Variants in WLS observed in about 807,000 individuals in gnomAD.
WLS encodes the protein Wnt ligand secretion mediator, also known as protein wntless homolog.
Under a neutral mutation model 62.8 loss-of-function variants are expected in WLS, and 23 were observed. That is an observed-to-expected ratio of 0.37 (90% confidence interval 0.26 to 0.52). The LOEUF is 0.52. Among genes scored for constraint, WLS ranks in the 20% least tolerant of loss-of-function variants. The pLI is 0.92. For missense variants in WLS, 615 were observed against 697.3 expected, an observed-to-expected ratio of 0.88 and a Z score of 1.33; for synonymous variants, 246 against 244.1, an observed-to-expected ratio of 1.01 and a Z score of -0.07.
At chr1:68,188,417 G>A (rs950893519) in intron 2 of WLS, among the ~76,000 whole-genome samples, 3 of 152,210 alleles carry the variant, frequency 2.0e-5, no homozygotes, top group African/African-American at 7.2e-5. Flanking sequence ...TTTCATAAAT[G>A]TAAATATACT....
chr1:68,217,033 A>G (rs1649758299), intron 1 of WLS, among the ~76,000 whole-genome samples: 1 of 152,206 alleles, frequency 6.6e-6, no homozygotes, highest in East Asian at 1.9e-4. Flanking sequence ...GGATGGAGCA[A>G]TAAGAAGTAC....
intron 10 of WLS, among the ~76,000 whole-genome samples, chr1:68,142,206 G>A (rs987396229): frequency 4.6e-5 from 7 of 152,192 alleles, no homozygotes; most frequent in South Asian, 2.1e-4. Flanking sequence ...GGCATTCCCC[G>A]CAGAGGCAAG....
chr1:68,223,531 A>G (rs1650023761), intron 1 of WLS, among the ~76,000 whole-genome samples: 1 of 152,226 alleles, frequency 6.6e-6, no homozygotes, highest in Non-Finnish European at 1.5e-5. Flanking sequence ...ATCTAAGAAC[A>G]GAGAGGGACA....
Position 68,126,888 on chromosome 1 carries a change from A to G in WLS, c.1517-553T>C, listed in dbSNP as rs553922989. ...TCAGTCAGGCACCAACACATTTGCT[A>G]TGAATAATTTACAAAATAGGAGCCA... On this transcript the variant is annotated intron_variant, in intron 11 of 11. Coordinates refer to ENST00000262348, the MANE Select transcript of WLS (RefSeq NM_024911.7). Among the ~76,000 whole-genome samples, 11 of 152,262 alleles carry G rather than the reference A, an allele frequency of 7.2e-5. No individual in the cohort carries two copies. In the South Asian group the frequency reaches 2.3e-3, roughly 32 times the overall value.
chr1:68,118,125 A>T (rs1039020452), intron 11 of WLS, among the ~76,000 whole-genome samples: 10 of 152,204 alleles, frequency 6.6e-5, no homozygotes, highest in African/African-American at 2.4e-4. Context: ...CCTGGTAAAC[A>T]TCCAAATCAA....
intron 1 of WLS, among the ~76,000 whole-genome samples, chr1:68,229,456 T>TTTTTTTTTTTTTTTTTTTTTTTTTTTTG: frequency 6.6e-6 from 1 of 152,298 alleles, no homozygotes. Flanking sequence ...ACTGACTTTT[T>TTTTTTTTTTTTTTTTTTTTTTTTTTTTG]AAGTGGCAAT....
chr1:68,107,744 C>T (rs1646167153), intron 11 of WLS, among the ~76,000 whole-genome samples: 1 of 152,116 alleles, frequency 6.6e-6, no homozygotes, highest in South Asian at 2.1e-4. Flanking sequence ...AAGGCAGGGG[C>T]TATTTTTTTA....
chr1:68,214,209 A>ACACACACC (rs1221048820), intron 1 of WLS, among the ~76,000 whole-genome samples: 4 of 150,550 alleles, frequency 2.7e-5, no homozygotes, highest in South Asian at 2.1e-4. Flanking sequence ...ACACACACAC[A>ACACACACC]CCCCATTTCC....
Position 68,148,653 on chromosome 1 carries a change from T to C in WLS, c.980A>G (p.His327Arg). 1 of 1,613,748 alleles carries C rather than the reference T, an allele frequency of 6.2e-7. No homozygotes were observed. Among genetic ancestry groups the C allele is most frequent in the Non-Finnish European group, 8.5e-7 (1 of 1,179,880 alleles). ...ATACCCTGCGATGTGGTTCCGCTCGTGCTGATCCTGAGGAAAACCAAATTG... is the reference window on the plus strand; with the variant it reads ...ATACCCTGCGATGTGGTTCCGCTCGCGCTGATCCTGAGGAAAACCAAATTG... The part of the protein sequence containing the change: ...IFCGEHMMDQ[H>R]ERNHIAGYWK... Residue 327 changes from histidine to arginine, a missense_variant, in exon 7 of 12, where the codon CAC becomes CGC. Transcript: ENST00000262348.
At chr1:68,213,007 A>G (rs1362053065) in intron 1 of WLS, among the ~76,000 whole-genome samples, 1 of 152,244 alleles carries the variant, frequency 6.6e-6, no homozygotes, top group Admixed American at 6.5e-5. Flanking sequence ...AATGATAGGT[A>G]ACCTAACATG....
At chr1:68,176,340 G>A (rs1256953102) in intron 2 of WLS, 1 of 152,238 alleles carries the variant, frequency 6.6e-6, no homozygotes, top group Non-Finnish European at 1.5e-5. Context: ...CCAGCCCTGG[G>A]AGCACAGCCC....
At chr1:68,189,413 T>C (rs1048721582) in intron 2 of WLS, among the ~76,000 whole-genome samples, 4 of 152,212 alleles carry the variant, frequency 2.6e-5, no homozygotes. Context: ...ATATTTTTTC[T>C]TTCATTATTA....
At chr1:68,173,422 C>CTG (rs1011366227) in intron 2 of WLS, among the ~76,000 whole-genome samples, 2 of 152,030 alleles carry the variant, frequency 1.3e-5, no homozygotes, top group African/African-American at 4.8e-5. Context: ...CTCTCTCTCT[C>CTG]TCTCTCTCTC....
chr1:68,194,163 A>G lies in WLS; in HGVS notation c.171T>C (p.His57=), dbSNP rs1212033674. The G allele has an allele frequency of 6.2e-7, 1 of 1,614,162 alleles. No individual in the cohort carries two copies. The highest frequency in any genetic ancestry group is 8.5e-7 in the Non-Finnish European group (1 of 1,180,030). ...AAGGCACGAACCATTTTGTCTTGTG[A>G]TGGTTCTTACGGGCATCCACACATT... ...SVKCVDARKN[H]HKTKWFVPWG... Residue 57 remains histidine, a synonymous_variant, in exon 2 of 12, where the codon CAT becomes CAC. Transcript: ENST00000262348.
intron 1 of WLS, among the ~76,000 whole-genome samples, chr1:68,230,582 T>TGTACGC (rs1553139183): frequency 1.4e-4 from 20 of 142,398 alleles, no homozygotes; most frequent in Non-Finnish European, 2.4e-4. Context: ...TGTGTGTGTG[T>TGTACGC]GCGCGCGTGT....
At chr1:68,135,913 TG>T (rs1032119490) in intron 11 of WLS, among the ~76,000 whole-genome samples, 5 of 152,168 alleles carry the variant, frequency 3.3e-5, no homozygotes, top group African/African-American at 1.2e-4. Context: ...GGAAGAAGGC[TG>T]CCTAGCTCAC....
intron 9 of WLS, 83 bp downstream of exon 9, chr1:68,145,786 A>T (rs1022829612): frequency 1.9e-6 from 3 of 1,541,598 alleles, no homozygotes; most frequent in African/African-American, 2.8e-5. Flanking sequence ...AAGGCTTTCT[A>T]TCTCCAGGGT....
intron 1 of WLS, among the ~76,000 whole-genome samples, chr1:68,195,046 A>G (rs1648586272): frequency 6.6e-6 from 1 of 152,228 alleles, no homozygotes; most frequent in African/African-American, 2.4e-5. Context: ...AAAATGTCAA[A>G]ATGCCATCTG....
chr1:68,181,746 C>A (rs1477187711), intron 2 of WLS, among the ~76,000 whole-genome samples: 1 of 152,196 alleles, frequency 6.6e-6, no homozygotes, highest in Non-Finnish European at 1.5e-5. Context: ...AGAGTTCAAG[C>A]TTTCTCCAGC....
Sources: allele counts gnomAD v4.1 joint callset (sites outside exome capture counted in the v4.1 genomes callset), GRCh38; gene constraint gnomAD v4.1.1; transcripts MANE v1.5; gene names NCBI Gene and HGNC (gene_info 2026-07-23, HGNC 2026-07-21).